Variants in ROR1 observed in about 807,000 individuals in gnomAD.
The protein encoded by ROR1 is inactive tyrosine-protein kinase transmembrane receptor ROR1.
In ROR1, 19 loss-of-function variants were observed where a neutral mutation model predicts 78.8. The ratio of observed to expected loss-of-function variants is 0.24; its 90% CI spans 0.17 to 0.35. The LOEUF is 0.35. Ranked by LOEUF, ROR1 falls within the 10% of genes least tolerant of loss-of-function variation. ROR1 has a pLI of 1.00. For synonymous variants in ROR1, 386 were observed against 433.6 expected (o/e 0.89, Z 1.36); for missense variants, 917 against 1,177.8 (o/e 0.78, Z 3.24).
chr1:64,099,311 G>C (rs1043625619), intron 4 of ROR1, among the ~76,000 whole-genome samples: 1 of 152,174 alleles, frequency 6.6e-6, no homozygotes, highest in East Asian at 1.9e-4. Flanking sequence ...TCTGTGTTCA[G>C]TTCTGGCGAT....
chr1:63,812,562 A>T (rs1419793019), intron 1 of ROR1, among the ~76,000 whole-genome samples: 1 of 152,164 alleles, frequency 6.6e-6, no homozygotes, highest in African/African-American at 2.4e-5. Flanking sequence ...AGGAAATTGG[A>T]ATTTGTTGGA....
At chr1:63,953,641 G>A (rs1362266246) in intron 1 of ROR1, among the ~76,000 whole-genome samples, 4 of 152,182 alleles carry the variant, frequency 2.6e-5, no homozygotes, top group Non-Finnish European at 5.9e-5. Context: ...CACCTAGTAG[G>A]TGCTCAATAA....
At chr1:63,787,528 T>TGG (rs1644699279) in intron 1 of ROR1, among the ~76,000 whole-genome samples, 1 of 151,018 alleles carries the variant, frequency 6.6e-6, no homozygotes, top group Non-Finnish European at 1.5e-5. Context: ...CCTTCTCTTT[T>TGG]TTTTTTTTTT....
chr1:64,138,951 C>T (rs1394469224), intron 5 of ROR1, among the ~76,000 whole-genome samples: 2 of 151,936 alleles, frequency 1.3e-5, no homozygotes, highest in South Asian at 4.2e-4. Flanking sequence ...TCACTTGAGG[C>T]CAGGAGTTCG....
At chr1:64,006,313 C>T (rs542609685) in intron 1 of ROR1, among the ~76,000 whole-genome samples, 88 of 152,246 alleles carry the variant, frequency 5.8e-4, no homozygotes, top group Non-Finnish European at 9.8e-4. Flanking sequence ...TTCCCAAGCT[C>T]CCTGAAGTCT....
intron 1 of ROR1, among the ~76,000 whole-genome samples, chr1:63,861,039 G>C (rs1017008400): frequency 6.6e-6 from 1 of 152,090 alleles, no homozygotes; most frequent in Admixed American, 6.6e-5. Flanking sequence ...TTGCCTGATG[G>C]AGTTTTGAGT....
chr1:63,786,571 C>CTTTT (rs10530236), intron 1 of ROR1, among the ~76,000 whole-genome samples: 6 of 113,340 alleles, frequency 5.3e-5, no homozygotes, highest in African/African-American at 1.4e-4. Context: ...CGCGCCTGGC[C>CTTTT]TTTTTTTTTT....
At chr1:63,893,014 C>T (rs890210456) in intron 1 of ROR1, among the ~76,000 whole-genome samples, 6 of 152,118 alleles carry the variant, frequency 3.9e-5, no homozygotes, top group African/African-American at 9.7e-5. Flanking sequence ...AAAAGCAGCA[C>T]GGCAGATTTA....
intron 1 of ROR1, among the ~76,000 whole-genome samples, chr1:63,880,578 C>A (rs543580798): frequency 6.6e-6 from 1 of 152,212 alleles, no homozygotes; most frequent in African/African-American, 2.4e-5. Context: ...TATATTATTT[C>A]TTTAAAAGAC....
chr1:63,994,367 C>T (rs541172513), intron 1 of ROR1, among the ~76,000 whole-genome samples: 8 of 152,210 alleles, frequency 5.3e-5, no homozygotes, highest in African/African-American at 1.4e-4. Context: ...CAGACCTCGG[C>T]GGGGACCTTG....
At chr1:63,963,439 C>T (rs1298376692) in intron 1 of ROR1, among the ~76,000 whole-genome samples, 1 of 151,786 alleles carries the variant, frequency 6.6e-6, no homozygotes, top group African/African-American at 2.4e-5. Context: ...CATGGTGGTG[C>T]ACACCTGTAA....
intron 1 of ROR1, among the ~76,000 whole-genome samples, chr1:63,945,602 C>T (rs1209318869): frequency 6.6e-6 from 1 of 152,128 alleles, no homozygotes; most frequent in Admixed American, 6.6e-5. Context: ...CCCACTCTCC[C>T]TCCCTTTTAT....
rs146320697 is a variant in ROR1, at chr1:63,816,536, G to A, written c.91+42028G>A. ...CCTCCCCAGCCATTTGGCATTGTAA[G>A]TCCATTAAACCTCTTTTTCTTCCCA... On this transcript the variant is annotated intron_variant, in intron 1 of 8. Transcript: ENST00000371079. Among the ~76,000 whole-genome samples, 6 of 152,138 alleles carry A rather than the reference G, an allele frequency of 3.9e-5. No individual in the cohort carries two copies. In the East Asian group the frequency reaches 7.7e-4, roughly 20 times the overall value.
At chr1:64,104,591 G>A (rs752210050) in intron 4 of ROR1, among the ~76,000 whole-genome samples, 7 of 151,342 alleles carry the variant, frequency 4.6e-5, no homozygotes, top group East Asian at 1.9e-4. Context: ...CTATTGACCC[G>A]TCCTCTAAGT....
chr1:63,832,649 A>G (rs1032540891), intron 1 of ROR1, among the ~76,000 whole-genome samples: 2 of 152,236 alleles, frequency 1.3e-5, no homozygotes, highest in African/African-American at 4.8e-5. Flanking sequence ...CAATGAGATA[A>G]AGCACAGTCA....
At chr1:63,846,504 T>G (rs956906193) in intron 1 of ROR1, among the ~76,000 whole-genome samples, 1 of 152,102 alleles carries the variant, frequency 6.6e-6, no homozygotes, top group African/African-American at 2.4e-5. Flanking sequence ...GGCAGATAGA[T>G]GTAGGTTTCC....
At position 63,992,365 on chromosome 1, in the gene ROR1, G is replaced by A. The variant is rs374418077; in HGVS notation, c.92-16940G>A. Among the ~76,000 whole-genome samples, 54 of 152,014 alleles carry A rather than the reference G, an allele frequency of 3.6e-4. 2 individuals are homozygous for A. Among genetic ancestry groups the A allele is most frequent in the African/African-American group, 9.9e-4 (41 of 41,446 alleles). On this transcript the variant is annotated intron_variant, in intron 1 of 8. Coordinates refer to ENST00000371079, the MANE Select transcript of ROR1 (RefSeq NM_005012.4). ...TGGGATTACAGGCACACACCACCACGCCCAGTTAATTTTTGTATTTTTGGT... is the reference window on the plus strand; with the variant it reads ...TGGGATTACAGGCACACACCACCACACCCAGTTAATTTTTGTATTTTTGGT...
At position 63,940,498 on chromosome 1, in the gene ROR1, C is replaced by CAGACAGATAGATAGAT. The variant is rs1230477303; in HGVS notation, c.92-68804_92-68803insCAGATAGATAGATAGA. ...ATAGATAGACAGATAGATAGACAGACAGATAGATAGATAGATAGATAGATA... is the reference window on the plus strand; with the variant it reads ...ATAGATAGACAGATAGATAGACAGACAGACAGATAGATAGATAGATAGATAGATAGATAGATAGATA... On this transcript the variant is annotated intron_variant, in intron 1 of 8. Coordinates refer to ENST00000371079, the MANE Select transcript of ROR1 (RefSeq NM_005012.4). 7.1e-3 allele frequency among the ~76,000 whole-genome samples: 531 copies of CAGACAGATAGATAGAT among 75,202 alleles called. 6 individuals carry two copies. The highest frequency in any genetic ancestry group is 0.012 in the African/African-American group (379 of 32,154). 49.3% of individuals were successfully genotyped at this position (75,202 alleles called of 152,430 possible).
intron 4 of ROR1, among the ~76,000 whole-genome samples, chr1:64,130,469 C>A (rs930045693): frequency 2.0e-5 from 3 of 152,178 alleles, no homozygotes; most frequent in Admixed American, 1.3e-4. Flanking sequence ...CGACAGCTCC[C>A]CTTCCTGGAT....
Sources: allele counts gnomAD v4.1 joint callset (sites outside exome capture counted in the v4.1 genomes callset), GRCh38; gene constraint gnomAD v4.1.1; transcripts MANE v1.5; gene names NCBI Gene and HGNC (gene_info 2026-07-23, HGNC 2026-07-21).